STK32B: variants seen among roughly 807,000 people sequenced by gnomAD.
STK32B encodes the protein serine/threonine kinase 32B.
In STK32B, 43 loss-of-function variants were observed where a neutral mutation model predicts 52.6. The ratio of observed to expected loss-of-function variants is 0.82; its 90% CI spans 0.64 to 1.05. STK32B has a LOEUF of 1.05. Ranked by LOEUF, STK32B falls within the 50% of genes least tolerant of loss-of-function variation. The pLI, the probability that STK32B is intolerant of heterozygous loss-of-function variation, is 0.00. For synonymous variants in STK32B, 238 were observed against 204.3 expected, an observed-to-expected ratio of 1.17 and a Z score of -1.41; for missense variants, 621 against 534.6, an observed-to-expected ratio of 1.16 and a Z score of -1.59.
chr4:5,176,183 T>C (rs1719873042), intron 3 of STK32B, among the ~76,000 whole-genome samples: 1 of 152,184 alleles, frequency 6.6e-6, no homozygotes, highest in Admixed American at 6.5e-5. Context: ...GACCCGATTT[T>C]CCAGGTGCCG....
At chr4:5,088,777 T>C (rs1712880383) in intron 1 of STK32B, among the ~76,000 whole-genome samples, 1 of 151,870 alleles carries the variant, frequency 6.6e-6, no homozygotes, top group Non-Finnish European at 1.5e-5. Context: ...AAAAAACCTT[T>C]ATGGTATGCA....
rs1193384013 is a variant in STK32B, at chr4:5,469,980, C to T, written c.1106+1910C>T. 2.0e-5 allele frequency among the ~76,000 whole-genome samples: 3 copies of T among 152,118 alleles called. No homozygotes were observed. The highest frequency in any genetic ancestry group is 6.5e-5 in the Admixed American group (1 of 15,278). On this transcript the variant is annotated intron_variant, in intron 11 of 11. Coordinates refer to ENST00000282908, the MANE Select transcript of STK32B (RefSeq NM_018401.3). The surrounding 1 kb of genome is among the most constrained non-coding windows in gnomAD (Gnocchi z 4.7). ...GCAGCCTTCATTCTCTGTGTGTGGG[C>T]CGTGGAGTCCAATGAGAGCAGCTGC...
At chr4:5,176,897 C>T (rs1719946686) in intron 3 of STK32B, among the ~76,000 whole-genome samples, 1 of 152,098 alleles carries the variant, frequency 6.6e-6, no homozygotes, top group Non-Finnish European at 1.5e-5. Flanking sequence ...CTATCATAAG[C>T]AAGAAAGGGG....
chr4:5,481,988 T>C (rs373587108), intron 11 of STK32B, among the ~76,000 whole-genome samples: 7 of 152,192 alleles, frequency 4.6e-5, no homozygotes, highest in East Asian at 1.9e-4. Flanking sequence ...GTTACTGTAG[T>C]CTTGTAGTAC....
chr4:5,172,974 C>T (rs1302734073), intron 3 of STK32B, among the ~76,000 whole-genome samples: 1 of 152,146 alleles, frequency 6.6e-6, no homozygotes, highest in African/African-American at 2.4e-5. Flanking sequence ...TTAATTATTG[C>T]CTCAATTTCA....
chr4:5,222,916 T>C (rs1030996066), intron 3 of STK32B, among the ~76,000 whole-genome samples: 7 of 152,152 alleles, frequency 4.6e-5, no homozygotes, highest in Non-Finnish European at 8.8e-5. Flanking sequence ...TTCACAAAGA[T>C]AATAGAAGAA....
chr4:5,182,401 G>C (rs1720430486), intron 3 of STK32B, among the ~76,000 whole-genome samples: 1 of 152,084 alleles, frequency 6.6e-6, no homozygotes, highest in Non-Finnish European at 1.5e-5. Context: ...ACTTTGCCCA[G>C]ATCCATCAGC....
chr4:5,426,526 G>T (rs1713106425), intron 6 of STK32B, among the ~76,000 whole-genome samples: 1 of 151,822 alleles, frequency 6.6e-6, no homozygotes, highest in African/African-American at 2.4e-5. Context: ...CCAACATGGA[G>T]AAACCCTGTC....
chr4:5,217,706 C>T (rs79451848), intron 3 of STK32B, among the ~76,000 whole-genome samples: 4,489 of 152,236 alleles, frequency 0.029, 93 homozygotes, highest in Non-Finnish European at 0.045. Context: ...GGACTTGTCT[C>T]TTAAGTCTAA....
chr4:5,406,337 G>A (rs1737666535), intron 5 of STK32B, among the ~76,000 whole-genome samples: 1 of 152,166 alleles, frequency 6.6e-6, no homozygotes, highest in Non-Finnish European at 1.5e-5. Flanking sequence ...GCTTTTCTAG[G>A]TGCACGGTGC....
intron 3 of STK32B, among the ~76,000 whole-genome samples, chr4:5,289,339 CAGTG>C (rs1335709336): frequency 6.6e-6 from 1 of 152,144 alleles, no homozygotes; most frequent in Non-Finnish European, 1.5e-5. Context: ...CTGGGTGAGT[CAGTG>C]AGTGAGTGGT....
intron 2 of STK32B, 56 bp from the exon 3 acceptor site, chr4:5,168,243 T>C: frequency 6.4e-7 from 1 of 1,570,174 alleles, no homozygotes; most frequent in Non-Finnish European, 8.7e-7. Context: ...ACATTTCTCC[T>C]TTGTCTCCCT....
At chr4:5,140,591 G>A (rs1423390029) in intron 2 of STK32B, among the ~76,000 whole-genome samples, 1 of 152,170 alleles carries the variant, frequency 6.6e-6, no homozygotes, top group African/African-American at 2.4e-5. Context: ...GATGGAGCAG[G>A]TTACCCTTGG....
chr4:5,252,935 C>T (rs1012169951), intron 3 of STK32B, among the ~76,000 whole-genome samples: 3 of 152,128 alleles, frequency 2.0e-5, no homozygotes, highest in African/African-American at 7.2e-5. Context: ...GTAACCCGCT[C>T]ACTGTGCACC....
At chr4:5,315,505 G>GT (rs11391156) in intron 3 of STK32B, among the ~76,000 whole-genome samples, 17,703 of 151,824 alleles carry the variant, frequency 0.12, 2,603 homozygotes, top group African/African-American at 0.35. Context: ...AAAACTGTAT[G>GT]TATGTTTATC....
chr4:5,239,954 C>T (rs754560562), intron 3 of STK32B, among the ~76,000 whole-genome samples: 4 of 152,044 alleles, frequency 2.6e-5, no homozygotes, highest in Non-Finnish European at 4.4e-5. Flanking sequence ...AAGGTTAACT[C>T]ACCTGGCCAA....
In STK32B at chr4:5,470,369, A is replaced by G. The variant is rs994042265; in HGVS notation, c.1106+2299A>G. ...CTGGCATAGTTTACCGGAGTCAGCA[A>G]AATAAAGAAAGAGGGCAGACGTCAT... On this transcript the variant is annotated intron_variant, in intron 11 of 11. Transcript: ENST00000282908. The surrounding 1 kb of genome is among the most constrained non-coding windows in gnomAD (Gnocchi z 4.6). Among the ~76,000 whole-genome samples the G allele has an allele frequency of 7.9e-5, 12 of 152,132 alleles. No homozygotes were observed. Among genetic ancestry groups the G allele is most frequent in the African/African-American group, 2.9e-4 (12 of 41,424 alleles).
chr4:5,060,020 G>A (rs1218620344), intron 1 of STK32B, among the ~76,000 whole-genome samples: 1 of 152,200 alleles, frequency 6.6e-6, no homozygotes, highest in African/African-American at 2.4e-5. Context: ...AGGCTGGAGT[G>A]CAAAGGTGTG....
At chr4:5,239,831 A>G (rs1324570056) in intron 3 of STK32B, among the ~76,000 whole-genome samples, 1 of 152,054 alleles carries the variant, frequency 6.6e-6, no homozygotes, top group Non-Finnish European at 1.5e-5. Flanking sequence ...TCATCTGCCA[A>G]CTTTACATCT....
Sources: gnomAD v4.1 joint callset for allele counts (sites outside exome capture counted in the v4.1 genomes callset) on GRCh38, gnomAD v4.1.1 for gene constraint, Gnocchi (gnomAD v3.1) non-coding constraint, MANE v1.5 for transcripts, NCBI Gene and HGNC (gene_info 2026-07-23, HGNC 2026-07-21) for gene names.